COG6: variants seen among roughly 807,000 people sequenced by gnomAD.
COG6 encodes component of oligomeric golgi complex 6.
COG6 carries 74 observed loss-of-function variants against 88.8 expected under a neutral mutation model. The observed-to-expected ratio is 0.83, with a 90% CI of 0.69 to 1.01. The LOEUF is 1.01. Among genes scored for constraint, COG6 ranks in the 50% least tolerant of loss-of-function variants. COG6 has a pLI of 0.00. For synonymous variants in COG6, 286 were observed against 278.7 expected (o/e 1.03, Z -0.26); for missense variants, 800 against 797.9 (o/e 1.00, Z -0.03).
chr13:39,691,913 CCAT>C (rs1236456073), intron 11 of COG6, among the ~76,000 whole-genome samples: 1 of 151,952 alleles, frequency 6.6e-6, no homozygotes, highest in South Asian at 2.1e-4. Context: ...ACTTTTCTGT[CCAT>C]CATTATTCTT....
chr13:39,761,229 T>A (rs1245997925), intron 18 of COG6, among the ~76,000 whole-genome samples: 2 of 152,048 alleles, frequency 1.3e-5, no homozygotes, highest in Non-Finnish European at 2.9e-5. Flanking sequence ...AACTTTGGTG[T>A]TTATTCCTAA....
intron 6 of COG6, 21 bp from the exon 7 acceptor site, chr13:39,679,954 T>C: frequency 7.7e-7 from 1 of 1,295,124 alleles, no homozygotes; most frequent in Non-Finnish European, 1.1e-6. Flanking sequence ...GTTTAAATTA[T>C]AATCATTAAT....
chr13:39,781,116 C>T (rs1881615525), intron 18 of COG6, among the ~76,000 whole-genome samples: 1 of 152,110 alleles, frequency 6.6e-6, no homozygotes, highest in Non-Finnish European at 1.5e-5. Flanking sequence ...GTTTCCTATT[C>T]ACTGTGAGAC....
At chr13:39,682,015 G>A (rs1341857883) in intron 7 of COG6, among the ~76,000 whole-genome samples, 156 bp from the exon 8 acceptor site, 1 of 152,062 alleles carries the variant, frequency 6.6e-6, no homozygotes, top group Admixed American at 6.6e-5. Context: ...TTGGTTGACA[G>A]CATAAATTCA....
chr13:39,679,972 T>C lies in COG6; in HGVS notation c.624-3T>C. 2.0e-6 allele frequency: 3 copies of C among 1,496,560 alleles called. No individual in the cohort carries two copies. Among genetic ancestry groups the C allele is most frequent in the Non-Finnish European group, 2.8e-6 (3 of 1,076,220 alleles). The allele number at this position is 1,496,560 out of a possible 1,614,324, so 92.7% of individuals were successfully genotyped here. A position where few individuals can be genotyped will look rare whatever the true frequency, so the allele number is the denominator to read the frequency against. ...TAAATTATAATCATTAATTTTTTTT[T>C]AGTTTAGAAATTATGGAACAGATGG... On this transcript the variant is annotated splice_polypyrimidine_tract_variant and splice_region_variant and intron_variant, in intron 6 of 18. Coordinates refer to ENST00000455146, the MANE Select transcript of COG6 (RefSeq NM_020751.3).
rs1344573433 is a variant in COG6 at position 39,658,058 on chromosome 13, T to C, written c.154-1306T>C. Reference sequence around the variant, plus strand: ...AAGCATATGAATAATTTTGGATTCTTGTCACTTTTTTTTTTTTTTTTTTAC... The same window carrying C: ...AAGCATATGAATAATTTTGGATTCTCGTCACTTTTTTTTTTTTTTTTTTAC... On this transcript the variant is annotated intron_variant, in intron 1 of 18. Coordinates refer to ENST00000455146, the MANE Select transcript of COG6 (RefSeq NM_020751.3). Among the ~76,000 whole-genome samples, 3 of 130,742 alleles carry C rather than the reference T, an allele frequency of 2.3e-5. No individual in the cohort carries two copies. In the Admixed American group the frequency reaches 2.7e-4, roughly 12 times the overall value. 85.8% of individuals were successfully genotyped at this position (130,742 alleles called of 152,430 possible).
intron 13 of COG6, among the ~76,000 whole-genome samples, chr13:39,714,266 T>TA (rs951220919): frequency 2.0e-5 from 3 of 149,962 alleles, no homozygotes; most frequent in Non-Finnish European, 3.0e-5. Context: ...GCAACAAAAA[T>TA]AAAAATAAAT....
At chr13:39,758,258 G>A (rs533902961) in intron 18 of COG6, among the ~76,000 whole-genome samples, 9 of 148,436 alleles carry the variant, frequency 6.1e-5, no homozygotes, top group Admixed American at 3.4e-4. Flanking sequence ...AGCTGGACGC[G>A]GTGGCTCATG....
chr13:39,663,774 G>A (rs4492929), intron 3 of COG6, among the ~76,000 whole-genome samples: 100,161 of 151,560 alleles, frequency 0.66, 33,309 homozygotes, highest in Admixed American at 0.77. Context: ...TATAGTCCCA[G>A]CTATTCTAGA....
chr13:39,664,381 A>C (rs1330710205), intron 3 of COG6, among the ~76,000 whole-genome samples: 1 of 152,074 alleles, frequency 6.6e-6, no homozygotes, highest in African/African-American at 2.4e-5. Flanking sequence ...TTCTCTTCTT[A>C]TTGTTTATTG....
rs776103524 is a variant in COG6, at chr13:39,748,622, G to GA, written c.1827-2312dup. Among the ~76,000 whole-genome samples, 320 of 139,436 alleles carry GA rather than the reference G, an allele frequency of 2.3e-3. 2 individuals carry two copies. Among genetic ancestry groups the GA allele is most frequent in the South Asian group, 0.021 (92 of 4,400 alleles). The allele number at this position is 139,436 out of a possible 152,430, so 91.5% of individuals were successfully genotyped here. On this transcript the variant is annotated intron_variant, in intron 18 of 18. Transcript: ENST00000455146. ...AAAGAAGTGAGACTGTCTCGAAAAA[G>GA]AAAAAAAAAAAATCCCCAAGCCTCA...
At chr13:39,748,817 G>A (rs1410953989) in intron 18 of COG6, among the ~76,000 whole-genome samples, 1 of 152,122 alleles carries the variant, frequency 6.6e-6, no homozygotes, top group Non-Finnish European at 1.5e-5. Context: ...AAAATGTCAA[G>A]TTACTCCAAC....
chr13:39,731,319 A>G (rs546458956), intron 18 of COG6, among the ~76,000 whole-genome samples: 3 of 152,306 alleles, frequency 2.0e-5, no homozygotes, highest in Non-Finnish European at 4.4e-5. Context: ...GGAATAAGCT[A>G]TTGAATACAT....
chr13:39,690,853 T>C (rs533531852), intron 11 of COG6, among the ~76,000 whole-genome samples: 1 of 152,064 alleles, frequency 6.6e-6, no homozygotes, highest in South Asian at 2.1e-4. Context: ...ATGAAATATT[T>C]ACTTGTCATA....
intron 17 of COG6, among the ~76,000 whole-genome samples, chr13:39,726,042 A>G (rs923314024): frequency 1.3e-5 from 2 of 152,024 alleles, no homozygotes; most frequent in Non-Finnish European, 2.9e-5. Flanking sequence ...AATTTTCAGA[A>G]CAATTAAGGT....
intron 4 of COG6, among the ~76,000 whole-genome samples, chr13:39,672,321 A>G (rs1305825871): frequency 6.6e-6 from 1 of 151,982 alleles, no homozygotes; most frequent in Non-Finnish European, 1.5e-5. Flanking sequence ...ATTAAAGTAT[A>G]TAGTTTATTG....
chr13:39,777,489 A>T (rs12875898), intron 18 of COG6, among the ~76,000 whole-genome samples: 1 of 152,182 alleles, frequency 6.6e-6, no homozygotes, highest in African/African-American at 2.4e-5. Context: ...TTGTTGGAAG[A>T]TGAGGTAGGC....
intron 18 of COG6, among the ~76,000 whole-genome samples, chr13:39,730,773 C>CAAAAAAAAAAAAAAAAAAAAAAAAAAAA (rs569292449): frequency 2.0e-4 from 8 of 39,468 alleles, no homozygotes; most frequent in East Asian, 9.1e-4. Flanking sequence ...GACTCCATCT[C>CAAAAAAAAAAAAAAAAAAAAAAAAAAAA]AAAAAAAAAA....
intron 13 of COG6, among the ~76,000 whole-genome samples, chr13:39,717,104 C>G (rs1044934678): frequency 2.0e-5 from 3 of 152,168 alleles, no homozygotes; most frequent in African/African-American, 7.2e-5. Flanking sequence ...ATTTGAAATA[C>G]TTGGTTGACA....
Sources: allele counts gnomAD v4.1 joint callset (sites outside exome capture counted in the v4.1 genomes callset), GRCh38; gene constraint gnomAD v4.1.1; transcripts MANE v1.5; gene names NCBI Gene and HGNC (gene_info 2026-07-23, HGNC 2026-07-21).